Variants in DAPK2 observed in about 807,000 individuals in gnomAD.
The protein encoded by DAPK2 is death-associated protein kinase 2.
DAPK2 carries 35 observed loss-of-function variants against 44.1 expected under a neutral mutation model. That is an observed-to-expected ratio of 0.79 (90% CI 0.61 to 1.05). The LOEUF (loss-of-function observed/expected upper bound fraction) is 1.05. Among genes scored for constraint, DAPK2 ranks in the 50% least tolerant of loss-of-function variants. DAPK2 has a pLI of 0.00. For synonymous variants in DAPK2, 174 were observed against 182.6 expected, an observed-to-expected ratio of 0.95 and a Z score of 0.38; for missense variants, 453 against 483.2, an observed-to-expected ratio of 0.94 and a Z score of 0.59.
Position 63,966,249 on chromosome 15 carries a change from G to A in DAPK2, c.453+5174C>T, listed in dbSNP as rs1322233481. Among the ~76,000 whole-genome samples the A allele has an allele frequency of 6.6e-6, 1 of 152,242 alleles. No homozygotes were observed. Among genetic ancestry groups the A allele is most frequent in the Non-Finnish European group, 1.5e-5 (1 of 68,044 alleles). ...CTGAGATCTAGGGCCTGGAATGGGG[G>A]CCTCAAGACTCTGCCTTGTGCCCTT... On this transcript the variant is annotated intron_variant, in intron 3 of 10. Coordinates refer to ENST00000261891, the Ensembl canonical transcript of DAPK2. This position sits in a 1 kb window ranked among gnomAD's most constrained non-coding sequence, Gnocchi z 5.5.
At chr15:64,003,579 TTTCTTTTCCTTCC>T (rs1156771814) in intron 1 of DAPK2, among the ~76,000 whole-genome samples, 1 of 152,132 alleles carries the variant, frequency 6.6e-6, no homozygotes, top group East Asian at 1.9e-4. Context: ...GTTTCTTTTC[TTTCTTTTCCTTCC>T]TTCTTTTCTT....
chr15:63,991,261 T>C (rs1336376494), intron 1 of DAPK2: 3 of 456,226 alleles, frequency 6.6e-6, no homozygotes, highest in Non-Finnish European at 8.8e-6. Flanking sequence ...GGGAACTAGA[T>C]GGGCATGACA....
chr15:64,010,183 G>T (rs757519550), intron 1 of DAPK2, among the ~76,000 whole-genome samples: 1 of 152,156 alleles, frequency 6.6e-6, no homozygotes, highest in Non-Finnish European at 1.5e-5. Flanking sequence ...AACTCTGGGG[G>T]TGGGGCCCAG....
At chr15:64,034,683 G>A (rs11636342) in intron 1 of DAPK2, among the ~76,000 whole-genome samples, 17,305 of 152,084 alleles carry the variant, frequency 0.11, 1,334 homozygotes, top group South Asian at 0.34. Context: ...AACCAGCACG[G>A]TAGTCGGTAG....
chr15:63,987,701 G>C (rs1243443113), intron 1 of DAPK2, among the ~76,000 whole-genome samples: 2 of 152,152 alleles, frequency 1.3e-5, no homozygotes, highest in Non-Finnish European at 2.9e-5. Flanking sequence ...CTGTCAGACA[G>C]CTCCAAAGAG....
chr15:64,022,673 G>C (rs2079721752), intron 1 of DAPK2, among the ~76,000 whole-genome samples: 2 of 152,146 alleles, frequency 1.3e-5, no homozygotes, highest in African/African-American at 2.4e-5. Context: ...CAAAAAATTA[G>C]CTGGGTGTGG....
chr15:63,995,304 C>T (rs2078924727), intron 1 of DAPK2, among the ~76,000 whole-genome samples: 1 of 152,146 alleles, frequency 6.6e-6, no homozygotes, highest in Non-Finnish European at 1.5e-5. Context: ...CGCCCACCAC[C>T]ACACCCGGCT....
intron 3 of DAPK2, among the ~76,000 whole-genome samples, chr15:63,955,997 G>C (rs182804356): frequency 1.2e-4 from 19 of 152,250 alleles, no homozygotes; most frequent in Non-Finnish European, 2.2e-4. Flanking sequence ...TGCAGGTTTT[G>C]GATTTCTTCA....
chr15:64,038,929 G>C (rs2080283592), intron 1 of DAPK2, among the ~76,000 whole-genome samples: 1 of 152,174 alleles, frequency 6.6e-6, no homozygotes, highest in African/African-American at 2.4e-5. Context: ...GCCTCCTTTA[G>C]AAAGGCTAAT....
chr15:63,960,177 A>AG (rs1353674278), intron 3 of DAPK2, among the ~76,000 whole-genome samples: 3 of 152,114 alleles, frequency 2.0e-5, no homozygotes, highest in African/African-American at 7.2e-5. Context: ...GGTAGTTTGT[A>AG]TTTCTGTGGG....
chr15:63,972,908 G>A (rs2078251722), intron 2 of DAPK2, among the ~76,000 whole-genome samples: 1 of 152,186 alleles, frequency 6.6e-6, no homozygotes, highest in South Asian at 2.1e-4. Context: ...GAAGCCAGGT[G>A]CTATTCATCA....
chr15:63,942,070 A>G (rs895420005), intron 3 of DAPK2: 4 of 290,320 alleles, frequency 1.4e-5, no homozygotes, highest in African/African-American at 9.1e-5. Flanking sequence ...CCAGGACACC[A>G]TCTCACACCA....
At chr15:64,021,856 A>G (rs1007753110) in intron 1 of DAPK2, among the ~76,000 whole-genome samples, 1 of 152,244 alleles carries the variant, frequency 6.6e-6, no homozygotes, top group Non-Finnish European at 1.5e-5. Flanking sequence ...GGAAAAGAAC[A>G]TCTTATAAAA....
intron 8 of DAPK2, chr15:63,924,421 A>G (rs2079179547): frequency 2.4e-5 from 4 of 167,168 alleles, no homozygotes; most frequent in Non-Finnish European, 5.2e-5. Context: ...AGAAGGAAGG[A>G]GGCCTGGTCA....
intron 1 of DAPK2, among the ~76,000 whole-genome samples, chr15:64,022,697 T>C (rs764651824): frequency 6.6e-6 from 1 of 152,158 alleles, no homozygotes; most frequent in African/African-American, 2.4e-5. Context: ...TGTGCATCTA[T>C]AGTTCCAGCT....
At chr15:63,926,212 C>G in intron 6 of DAPK2, 119 bp from the exon 8 acceptor site, 2 of 1,154,102 alleles carry the variant, frequency 1.7e-6, no homozygotes, top group East Asian at 2.4e-5. Flanking sequence ...CCCAGCAACA[C>G]AGCCTGCCCC....
chr15:63,998,776 G>GTC (rs1335900898), intron 1 of DAPK2, among the ~76,000 whole-genome samples: 2 of 152,208 alleles, frequency 1.3e-5, no homozygotes, highest in Admixed American at 1.3e-4. Context: ...GTGGGCTGTA[G>GTC]TCTCCTGAAA....
chr15:63,924,935 T>C, intron 7 of DAPK2, 74 bp from the exon 9 acceptor site: 3 of 1,518,408 alleles, frequency 2.0e-6, no homozygotes, highest in Non-Finnish European at 2.7e-6. Context: ...GTTCTCACTC[T>C]TTTTAGACCT....
intron 5 of DAPK2, 139 bp from the exon 7 acceptor site, chr15:63,929,716 C>G: frequency 2.1e-6 from 2 of 933,026 alleles, no homozygotes; most frequent in Non-Finnish European, 3.4e-6. Context: ...TGCTCCACAC[C>G]CATCTCCATC....
Sources: gnomAD v4.1 joint callset for allele counts (sites outside exome capture counted in the v4.1 genomes callset) on GRCh38, gnomAD v4.1.1 for gene constraint, Gnocchi (gnomAD v3.1) non-coding constraint, MANE v1.5 for transcripts, NCBI Gene and HGNC (gene_info 2026-07-23, HGNC 2026-07-21) for gene names.